The following AMOTL1 variants were observed in gnomAD, a reference collection of about 807,000 sequenced individuals.
AMOTL1 encodes angiomotin like 1.
Under a neutral mutation model 102.9 loss-of-function variants are expected in AMOTL1, and 45 were observed. That is an observed-to-expected ratio of 0.44 (90% CI 0.34 to 0.56). AMOTL1 has a LOEUF of 0.56. Ranked by LOEUF, AMOTL1 falls within the 20% of genes least tolerant of loss-of-function variation. AMOTL1 has a pLI of 0.01. For synonymous variants in AMOTL1, 481 were observed against 484.7 expected (o/e 0.99, Z 0.10); for missense variants, 1,114 against 1,225.6 (o/e 0.91, Z 1.36).
chr11:94,800,116 C>T lies in AMOTL1; in HGVS notation c.926C>T (p.Pro309Leu), dbSNP rs773297253. ...GGTAAAGTGCTGGACCCTCGGGGTC[C>T]TCCACCTGAGTACCCCTTCAAGACC... is the stretch of plus-strand genomic sequence containing the variant. ...PAGKVLDPRG[P>L]PPEYPFKTKQ... The change falls in exon 3 of 13, where the codon CCT (proline) becomes CTT (leucine). Residue 309 changes from proline to leucine, a missense_variant. Transcript: ENST00000433060. The T allele has an allele frequency of 3.1e-6, 5 of 1,613,864 alleles. No homozygotes were observed. The highest frequency in any genetic ancestry group is 4.2e-6 in the Non-Finnish European group (5 of 1,179,884).
At chr11:94,775,433 G>A (rs987746927) in intron 1 of AMOTL1, among the ~76,000 whole-genome samples, 20 of 152,088 alleles carry the variant, frequency 1.3e-4, no homozygotes, top group Non-Finnish European at 2.9e-4. Flanking sequence ...TTGAGCAGAT[G>A]TTGAAATATT....
intron 11 of AMOTL1, among the ~76,000 whole-genome samples, chr11:94,867,816 T>C (rs577905069): frequency 1.3e-5 from 2 of 152,334 alleles, no homozygotes; most frequent in South Asian, 4.1e-4. Flanking sequence ...CTCTGGAGTT[T>C]CCACAGGCTG....
rs763220164 is a variant in AMOTL1 at position 94,830,090 on chromosome 11, G to T, written c.1454G>T (p.Ser485Ile). The change falls in exon 5 of 13, where the codon AGT becomes ATT. Residue 485 changes from serine to isoleucine, a missense_variant. Transcript: ENST00000433060. The part of the protein sequence containing the change: ...ELQRISEAYE[S>I]LVKSTTKRES... Reference sequence around the variant, plus strand: ...CAGAGAATTTCGGAAGCCTATGAAAGTCTGGTCAAGTCTACCACCAAGCGA... The same window carrying T: ...CAGAGAATTTCGGAAGCCTATGAAATTCTGGTCAAGTCTACCACCAAGCGA... 1 of 1,608,654 alleles carries T rather than the reference G, an allele frequency of 6.2e-7. No individual in the cohort carries two copies. The highest frequency in any genetic ancestry group is 1.1e-5 in the South Asian group (1 of 89,608).
chr11:94,753,963 A>C (rs965149762), intron 3 of AMOTL1, among the ~76,000 whole-genome samples: 5 of 152,190 alleles, frequency 3.3e-5, no homozygotes, highest in Non-Finnish European at 7.3e-5. Flanking sequence ...TACAACGTGG[A>C]GTTCTAGCTC....
At chr11:94,805,193 G>A (rs1331312824) in intron 3 of AMOTL1, among the ~76,000 whole-genome samples, 1 of 152,198 alleles carries the variant, frequency 6.6e-6, no homozygotes, top group Non-Finnish European at 1.5e-5. Flanking sequence ...CAGATTTATA[G>A]AATATATCAC....
At chr11:94,866,659 G>A (rs1952890488) in intron 11 of AMOTL1, 1 of 172,540 alleles carries the variant, frequency 5.8e-6, no homozygotes, top group African/African-American at 2.4e-5. Context: ...GGGAAGAATG[G>A]GATAATGGTG....
At position 94,859,680 on chromosome 11, in the gene AMOTL1, T is replaced by A; in HGVS notation, c.2100T>A (p.Phe700Leu). 6.2e-7 allele frequency: 1 copy of A among 1,612,006 alleles called. No homozygotes were observed. The highest frequency in any genetic ancestry group is 1.3e-5 in the African/African-American group (1 of 74,998). Reference protein sequence around the residue: ...KYLEESTIRHFAMNAAATAAA... With the variant: ...KYLEESTIRHLAMNAAATAAA... ...TGGAGGAGAGCACCATCCGACACTT[T>A]GCCATGAATGCCGCAGCCACTGCAG... Residue 700 changes from phenylalanine to leucine, a missense_variant, in exon 9 of 13, where the codon TTT becomes TTA. By Grantham distance (22) the Phe-to-Leu change is conservative (BLOSUM62 0). Transcript: ENST00000433060.
upstream of AMOTL1, among the ~76,000 whole-genome samples, chr11:94,766,680 C>T (rs142698004): frequency 2.0e-3 from 306 of 152,296 alleles, 2 homozygotes; most frequent in African/African-American, 7.1e-3. Context: ...TCCTAATTTG[C>T]GATTCAGGGT....
Position 94,799,324 on chromosome 11 carries a change from C to A in AMOTL1, c.200-66C>A. 1 of 1,271,958 alleles carries A rather than the reference C, an allele frequency of 7.9e-7. No homozygotes were observed. The highest frequency in any genetic ancestry group is 1.1e-6 in the Non-Finnish European group (1 of 930,858). 78.8% of individuals were successfully genotyped at this position (1,271,958 alleles called of 1,614,324 possible). A position where few individuals can be genotyped will look rare whatever the true frequency, so the allele number is the denominator to read the frequency against. On this transcript the variant is annotated intron_variant, in intron 2 of 12. Transcript: ENST00000433060. This position sits in a 1 kb window ranked among gnomAD's most constrained non-coding sequence, Gnocchi z 4.5. ...TAGTTAGAATGTTAATTATGTACCA[C>A]ATAGTCACAGACATATATCTCCTGT...
chr11:94,746,253 T>C (rs1178265118), intron 3 of AMOTL1, among the ~76,000 whole-genome samples: 1 of 152,146 alleles, frequency 6.6e-6, no homozygotes, highest in African/African-American at 2.4e-5. Flanking sequence ...GGTGGTACCA[T>C]TTTCTGAGGA....
chr11:94,824,543 C>T (rs1403722030), intron 4 of AMOTL1, among the ~76,000 whole-genome samples: 1 of 152,202 alleles, frequency 6.6e-6, no homozygotes, highest in Non-Finnish European at 1.5e-5. Context: ...CCAAGAGACA[C>T]AAGAGTTGCA....
At chr11:94,848,785 C>T (rs1952472037) in intron 6 of AMOTL1, among the ~76,000 whole-genome samples, 1 of 152,174 alleles carries the variant, frequency 6.6e-6, no homozygotes, top group African/African-American at 2.4e-5. Context: ...TTTTAATTTC[C>T]ATGCCCTGTA....
At chr11:94,864,662 ATTCTG>A in intron 9 of AMOTL1, 68 bp from the exon 10 acceptor site, 1 of 1,560,322 alleles carries the variant, frequency 6.4e-7, no homozygotes, top group Non-Finnish European at 8.7e-7. Flanking sequence ...CAGCCTCTCC[ATTCTG>A]TGTCTGTTTG....
At chr11:94,715,679 A>G (rs1227792485) in intron 1 of AMOTL1, among the ~76,000 whole-genome samples, 1 of 152,130 alleles carries the variant, frequency 6.6e-6, no homozygotes, top group Non-Finnish European at 1.5e-5. Context: ...ATATTGTGTC[A>G]GGTCCTTCTG....
At chr11:94,859,764 C>A (rs370644053) in intron 9 of AMOTL1, 49 bp downstream of exon 9, 29 of 1,511,116 alleles carry the variant, frequency 1.9e-5, no homozygotes, top group South Asian at 2.6e-5. Flanking sequence ...TTAAAAAAAT[C>A]AAAACAAAAC....
At chr11:94,779,463 G>A (rs954250892) in intron 1 of AMOTL1, among the ~76,000 whole-genome samples, 7 of 152,148 alleles carry the variant, frequency 4.6e-5, no homozygotes, top group Admixed American at 1.3e-4. Flanking sequence ...TTTGCTTTCC[G>A]TAGTCAAGAT....
At chr11:94,711,723 A>G (rs1950024390) in intron 1 of AMOTL1, among the ~76,000 whole-genome samples, 1 of 152,146 alleles carries the variant, frequency 6.6e-6, no homozygotes. Context: ...CATTCAGCAT[A>G]ATAATCTTGA....
chr11:94,744,248 A>G (rs189047246), intron 3 of AMOTL1, among the ~76,000 whole-genome samples: 251 of 152,316 alleles, frequency 1.6e-3, no homozygotes, highest in Middle Eastern at 3.4e-3. Context: ...TTACTTTAAT[A>G]GCTTAGAGAA....
intron 3 of AMOTL1, among the ~76,000 whole-genome samples, chr11:94,753,072 G>T (rs1950676444): frequency 6.6e-6 from 1 of 152,168 alleles, no homozygotes; most frequent in African/African-American, 2.4e-5. Context: ...GGCAACTCCA[G>T]ACTGAGTATT....
Sources: gnomAD v4.1 joint callset for allele counts (sites outside exome capture counted in the v4.1 genomes callset) on GRCh38, gnomAD v4.1.1 for gene constraint, Gnocchi (gnomAD v3.1) non-coding constraint, MANE v1.5 for transcripts, NCBI Gene and HGNC (gene_info 2026-07-23, HGNC 2026-07-21) for gene names.